HHIP: variants seen among roughly 807,000 people sequenced by gnomAD.
HHIP encodes hedgehog-interacting protein.
A neutral mutation model predicts 74.0 loss-of-function variants in HHIP; 12 were observed. The observed-to-expected ratio is 0.16, with a 90% CI of 0.10 to 0.26. The LOEUF (loss-of-function observed/expected upper bound fraction) is 0.26, where lower values mean the gene tolerates loss of function less well. HHIP is among the 10% of genes least tolerant of loss of function. HHIP has a pLI of 1.00. For synonymous variants in HHIP, 309 were observed against 311.6 expected, an observed-to-expected ratio of 0.99 and a Z score of 0.09; for missense variants, 788 against 845.0, an observed-to-expected ratio of 0.93 and a Z score of 0.84.
chr4:144,730,448 T>C (rs963731051), intron 11 of HHIP, among the ~76,000 whole-genome samples: 2 of 152,178 alleles, frequency 1.3e-5, no homozygotes, highest in East Asian at 3.8e-4. Context: ...AAACAACCTC[T>C]TGGGTAAGTT....
At chr4:144,670,764 GAAAAAAAAAA>G (rs1167213848) in intron 4 of HHIP, among the ~76,000 whole-genome samples, 3 of 54,890 alleles carry the variant, frequency 5.5e-5, no homozygotes, top group African/African-American at 1.5e-4. Context: ...CTTAAGATTT[GAAAAAAAAAA>G]AAAAAAAAAA....
At chr4:144,705,753 C>A (rs907597045) in intron 4 of HHIP, among the ~76,000 whole-genome samples, 3 of 152,212 alleles carry the variant, frequency 2.0e-5, no homozygotes, top group Non-Finnish European at 4.4e-5. Context: ...CTAATGTATA[C>A]AATCCTTGAC....
chr4:144,711,929 G>A (rs1205267698), intron 7 of HHIP, 21 bp from the exon 8 acceptor site: 1 of 1,608,308 alleles, frequency 6.2e-7, no homozygotes, highest in South Asian at 1.1e-5. Flanking sequence ...GAATTAATGT[G>A]TATCCCCTCT....
intron 2 of HHIP, among the ~76,000 whole-genome samples, chr4:144,653,776 C>A (rs886328134): frequency 3.9e-5 from 6 of 152,078 alleles, no homozygotes; most frequent in Admixed American, 3.9e-4. Flanking sequence ...TAATATAGCT[C>A]TCTTAATAAC....
At chr4:144,704,163 C>A (rs548391103) in intron 4 of HHIP, among the ~76,000 whole-genome samples, 1 of 152,114 alleles carries the variant, frequency 6.6e-6, no homozygotes, top group African/African-American at 2.4e-5. Context: ...TTATATAATA[C>A]ATTAAATTGT....
chr4:144,731,582 G>T (rs1322305493), intron 11 of HHIP, among the ~76,000 whole-genome samples: 1 of 151,996 alleles, frequency 6.6e-6, no homozygotes, highest in Non-Finnish European at 1.5e-5. Context: ...ACGACACCCA[G>T]CTAATTTTTG....
In HHIP at chr4:144,741,215, G is replaced by C. The variant is rs545547480; in HGVS notation, c.*3258G>C. ...TAATGAGTATCTCATAAAGAGTAGA[G>C]AAACCAACACATACAATATATACAC... On this transcript the variant is annotated 3_prime_UTR_variant, in exon 13 of 13. Coordinates refer to ENST00000296575, the MANE Select transcript of HHIP (RefSeq NM_022475.3). 5.9e-5 allele frequency: 9 copies of C among 151,922 alleles called. No homozygotes were observed. The highest frequency in any genetic ancestry group is 2.1e-4 in the South Asian group (1 of 4,808). The allele number at this position is 151,922 out of a possible 1,614,324, so 9.4% of individuals were successfully genotyped here. A position where few individuals can be genotyped will look rare whatever the true frequency, so the allele number is the denominator to read the frequency against.
chr4:144,674,512 G>C (rs2126611478), intron 4 of HHIP, among the ~76,000 whole-genome samples: 1 of 152,156 alleles, frequency 6.6e-6, no homozygotes, highest in South Asian at 2.1e-4. Context: ...AACTGGACTA[G>C]AAAAGGTTGA....
chr4:144,674,826 C>T (rs1264313529), intron 4 of HHIP, among the ~76,000 whole-genome samples: 1 of 152,126 alleles, frequency 6.6e-6, no homozygotes, highest in African/African-American at 2.4e-5. Flanking sequence ...CTTGAGGCCC[C>T]AAATGACCCC....
chr4:144,715,546 C>T (rs1022878541), intron 10 of HHIP, 116 bp downstream of exon 10: 50 of 1,004,492 alleles, frequency 5.0e-5, no homozygotes, highest in Non-Finnish European at 6.7e-5. Flanking sequence ...GAAATGTAAT[C>T]CACAGCAAAG....
At chr4:144,689,894 C>T (rs1180466061) in intron 4 of HHIP, among the ~76,000 whole-genome samples, 3 of 152,224 alleles carry the variant, frequency 2.0e-5, no homozygotes, top group East Asian at 3.9e-4. Flanking sequence ...CTGCAACCTC[C>T]ACCTCCTGGC....
intron 4 of HHIP, among the ~76,000 whole-genome samples, chr4:144,667,254 C>T (rs1316252893): frequency 6.6e-6 from 1 of 152,060 alleles, no homozygotes; most frequent in African/African-American, 2.4e-5. Context: ...AGAGGCTCAG[C>T]GAGAGGATCC....
At chr4:144,714,949 G>A (rs2126665062) in intron 9 of HHIP, 1 of 175,182 alleles carries the variant, frequency 5.7e-6, no homozygotes, top group East Asian at 1.5e-4. Context: ...CAAGGAACTA[G>A]AAAAATGTAC....
intron 11 of HHIP, among the ~76,000 whole-genome samples, chr4:144,725,809 C>T (rs1221468802): frequency 6.6e-6 from 1 of 152,028 alleles, no homozygotes; most frequent in Admixed American, 6.6e-5. Context: ...GCTGGGATTA[C>T]AGGTGCACAC....
intron 2 of HHIP, among the ~76,000 whole-genome samples, chr4:144,657,549 T>A (rs1032077319): frequency 6.6e-6 from 1 of 152,220 alleles, no homozygotes; most frequent in Non-Finnish European, 1.5e-5. Flanking sequence ...ATCATTAGAA[T>A]GTGGAAGTGA....
chr4:144,734,104 T>C (rs1411456806), intron 11 of HHIP, among the ~76,000 whole-genome samples: 1 of 151,862 alleles, frequency 6.6e-6, no homozygotes, highest in Non-Finnish European at 1.5e-5. Context: ...CACATATATA[T>C]GGATCTTTCT....
intron 11 of HHIP, among the ~76,000 whole-genome samples, chr4:144,732,204 GA>G (rs1553944270): frequency 6.6e-6 from 1 of 152,178 alleles, no homozygotes; most frequent in Non-Finnish European, 1.5e-5. Context: ...CAGTTTAAAA[GA>G]GAGAGGATTG....
intron 4 of HHIP, among the ~76,000 whole-genome samples, chr4:144,692,531 T>TAG (rs779561275): frequency 2.6e-5 from 4 of 152,192 alleles, no homozygotes; most frequent in Non-Finnish European, 2.9e-5. Flanking sequence ...CCTGAATTTT[T>TAG]AGACAGGTCT....
At chr4:144,701,941 GT>G (rs2126647391) in intron 4 of HHIP, among the ~76,000 whole-genome samples, 1 of 152,262 alleles carries the variant, frequency 6.6e-6, no homozygotes, top group East Asian at 1.9e-4. Context: ...TGAAGAGAAT[GT>G]TGTCTTTTAA....
Sources: gnomAD v4.1 joint callset for allele counts (sites outside exome capture counted in the v4.1 genomes callset) on GRCh38, gnomAD v4.1.1 for gene constraint, MANE v1.5 for transcripts, NCBI Gene and HGNC (gene_info 2026-07-23, HGNC 2026-07-21) for gene names.